Variants in CPNE8 observed in about 807,000 individuals in gnomAD.
CPNE8 encodes the protein copine-8.
CPNE8 carries 45 observed loss-of-function variants against 81.5 expected under a neutral mutation model. The ratio of observed to expected loss-of-function variants is 0.55; its 90% CI spans 0.44 to 0.71. CPNE8 has a LOEUF of 0.71. Among genes scored for constraint, CPNE8 ranks in the 30% least tolerant of loss-of-function variants. CPNE8 has a pLI of 0.00. For synonymous variants in CPNE8, 252 were observed against 226.3 expected (o/e 1.11, Z -1.02); for missense variants, 594 against 672.1 (o/e 0.88, Z 1.28).
At chr12:38,701,557 A>C (rs1476862926) in intron 14 of CPNE8, among the ~76,000 whole-genome samples, 1 of 152,078 alleles carries the variant, frequency 6.6e-6, no homozygotes, top group Non-Finnish European at 1.5e-5. Context: ...ACAGTGGCAC[A>C]ATCTTGGCTC....
intron 6 of CPNE8, among the ~76,000 whole-genome samples, chr12:38,822,194 A>C (rs1943119515): frequency 6.6e-6 from 1 of 152,204 alleles, no homozygotes; most frequent in Non-Finnish European, 1.5e-5. Flanking sequence ...TTGTAATTAC[A>C]TGTTAACATG....
chr12:38,853,902 A>G (rs1175278001), intron 3 of CPNE8, among the ~76,000 whole-genome samples: 1 of 152,116 alleles, frequency 6.6e-6, no homozygotes, highest in Non-Finnish European at 1.5e-5. Flanking sequence ...AGAAAGTTTT[A>G]ATATATTATG....
At chr12:38,874,853 G>C (rs1442780151) in intron 1 of CPNE8, among the ~76,000 whole-genome samples, 1 of 152,136 alleles carries the variant, frequency 6.6e-6, no homozygotes, top group Admixed American at 6.6e-5. Flanking sequence ...AGAATATAAA[G>C]GTGTTCAGAA....
At chr12:38,877,140 A>G (rs960165313) in intron 1 of CPNE8, among the ~76,000 whole-genome samples, 1 of 152,176 alleles carries the variant, frequency 6.6e-6, no homozygotes, top group Non-Finnish European at 1.5e-5. Context: ...GGAGAAATCC[A>G]GAAGACTTCT....
Position 38,653,700 on chromosome 12 carries a change from A to C in CPNE8, c.*182T>G, listed in dbSNP as rs1163554580. ...AAACAATTTTTTCTGTTGCTCATGC[A>C]ACAACCATATTTACAGTTTTGGTTT... On this transcript the variant is annotated 3_prime_UTR_variant, in exon 20 of 20. Transcript: ENST00000331366. The C allele has an allele frequency of 1.3e-6, 1 of 791,988 alleles. No individual in the cohort carries two copies. The allele number at this position is 791,988 out of a possible 1,614,324, so 49.1% of individuals were successfully genotyped here.
At chr12:38,736,909 T>C (rs1392670705) in intron 10 of CPNE8, among the ~76,000 whole-genome samples, 1 of 152,078 alleles carries the variant, frequency 6.6e-6, no homozygotes, top group East Asian at 1.9e-4. Context: ...TTAGAAACTT[T>C]ACTGTGCTCA....
At chr12:38,799,197 A>T (rs1447053200) in intron 6 of CPNE8, among the ~76,000 whole-genome samples, 1 of 152,162 alleles carries the variant, frequency 6.6e-6, no homozygotes, top group African/African-American at 2.4e-5. Context: ...CACCAAGGGG[A>T]CCTAATAGAC....
intron 6 of CPNE8, among the ~76,000 whole-genome samples, chr12:38,779,977 G>T (rs1213184718): frequency 6.6e-6 from 1 of 152,074 alleles, no homozygotes; most frequent in Non-Finnish European, 1.5e-5. Flanking sequence ...AATCCAAGCT[G>T]TCATTGCCAG....
chr12:38,785,378 G>C (rs2136914928), intron 6 of CPNE8, among the ~76,000 whole-genome samples: 1 of 151,962 alleles, frequency 6.6e-6, no homozygotes, highest in South Asian at 2.1e-4. Context: ...AACATGATAT[G>C]GTTTGGCTGT....
chr12:38,814,422 T>A (rs1256492924), intron 6 of CPNE8, among the ~76,000 whole-genome samples: 1 of 140,222 alleles, frequency 7.1e-6, no homozygotes, highest in African/African-American at 2.6e-5. Context: ...GTTCAAGCAA[T>A]CTTCCTGTCT....
chr12:38,776,406 T>TATA (rs1941937483), intron 6 of CPNE8, 105 bp from the exon 7 acceptor site: 5 of 307,078 alleles, frequency 1.6e-5, no homozygotes. Flanking sequence ...ATAAAGAGCA[T>TATA]ATAATAATAA....
intron 5 of CPNE8, among the ~76,000 whole-genome samples, chr12:38,832,816 C>G (rs1374830112): frequency 6.6e-6 from 1 of 152,058 alleles, no homozygotes; most frequent in Non-Finnish European, 1.5e-5. Flanking sequence ...GAGGCATAAA[C>G]CACTGCACCC....
chr12:38,687,450 C>T (rs190311884), intron 15 of CPNE8, among the ~76,000 whole-genome samples: 35 of 140,810 alleles, frequency 2.5e-4, no homozygotes, highest in Admixed American at 6.2e-4. Flanking sequence ...GGCCGGATCT[C>T]GGTTCACTGC....
chr12:38,657,724 T>C (rs919384040), intron 19 of CPNE8, among the ~76,000 whole-genome samples: 3 of 152,160 alleles, frequency 2.0e-5, no homozygotes, highest in African/African-American at 7.2e-5. Flanking sequence ...ATATTTGCTG[T>C]TCTGCAGCCT....
chr12:38,845,746 T>TA (rs1483161947), intron 4 of CPNE8, among the ~76,000 whole-genome samples: 2 of 152,080 alleles, frequency 1.3e-5, no homozygotes, highest in Non-Finnish European at 2.9e-5. Context: ...GTGAGTATTC[T>TA]AAAAAATGGA....
intron 19 of CPNE8, among the ~76,000 whole-genome samples, chr12:38,669,212 A>T (rs181032954): frequency 4.6e-5 from 7 of 152,274 alleles, no homozygotes; most frequent in Admixed American, 3.3e-4. Context: ...CTTACATCAT[A>T]TTCAATTATC....
intron 6 of CPNE8, among the ~76,000 whole-genome samples, chr12:38,814,523 A>G (rs911086688): frequency 1.3e-5 from 2 of 151,938 alleles, no homozygotes; most frequent in Non-Finnish European, 2.9e-5. Flanking sequence ...GGGTTTCACC[A>G]TATTGATCAG....
intron 13 of CPNE8, among the ~76,000 whole-genome samples, chr12:38,720,154 T>C (rs1940522618): frequency 6.6e-6 from 1 of 152,214 alleles, no homozygotes; most frequent in Non-Finnish European, 1.5e-5. Flanking sequence ...GGGCTCCACT[T>C]ATAGAATAAC....
At chr12:38,799,647 G>A (rs1247266475) in intron 6 of CPNE8, among the ~76,000 whole-genome samples, 1 of 152,024 alleles carries the variant, frequency 6.6e-6, no homozygotes, top group African/African-American at 2.4e-5. Flanking sequence ...CTAGAAAAGT[G>A]GAGGAGTCAA....
Sources: allele counts gnomAD v4.1 joint callset (sites outside exome capture counted in the v4.1 genomes callset), GRCh38; gene constraint gnomAD v4.1.1; transcripts MANE v1.5; gene names NCBI Gene and HGNC (gene_info 2026-07-23, HGNC 2026-07-21).